Variants in MUC5AC observed in about 807,000 individuals in gnomAD.
MUC5AC encodes the protein mucin-5AC.
A neutral mutation model predicts 169.7 loss-of-function variants in MUC5AC; 158 were observed. That is an observed-to-expected ratio of 0.93 (90% confidence interval 0.82 to 1.06). MUC5AC has a LOEUF of 1.06. Among genes scored for constraint, MUC5AC ranks in the 50% least tolerant of loss-of-function variants. The pLI is 0.00. For synonymous variants in MUC5AC, 1,975 were observed against 1,237.0 expected (o/e 1.60, Z -12.52); for missense variants, 4,359 against 3,089.9 (o/e 1.41, Z -9.74).
intron 17 of MUC5AC, 79 bp downstream of exon 17, chr11:1,174,701 G>T (rs1860630748): frequency 1.6e-6 from 1 of 606,358 alleles, no homozygotes; most frequent in Non-Finnish European, 2.8e-6. Flanking sequence ...TGCACAGGTT[G>T]CTCTAAGGGC....
chr11:1,167,841 G>A (rs1430572431), intron 11 of MUC5AC, 36 bp from the exon 12 acceptor site: 3 of 1,524,384 alleles, frequency 2.0e-6, no homozygotes, highest in East Asian at 4.9e-5. Flanking sequence ...GGCGTTGGAT[G>A]GAGTGTGAGG....
chr11:1,196,236 T>C (rs1286434682), intron 37 of MUC5AC, among the ~76,000 whole-genome samples, 152 bp from the exon 38 acceptor site: 3 of 152,108 alleles, frequency 2.0e-5, no homozygotes, highest in Non-Finnish European at 4.4e-5. Context: ...TGGGAGCCCG[T>C]GGCGGGGCAC....
Position 1,184,304 on chromosome 11 carries a change from C to A in MUC5AC, c.6159C>A (p.Ile2053=), listed in dbSNP as rs1471066762. Reference sequence around the variant, plus strand: ...AGACGGTGAACGTGTGCAGAGACATCACCAGACCGCCAAAGACCGTCGCAA... The same window carrying A: ...AGACGGTGAACGTGTGCAGAGACATAACCAGACCGCCAAAGACCGTCGCAA... The part of the protein sequence containing the change: ...CCETVNVCRD[I]TRPPKTVATT... Residue 2053 remains isoleucine (I), a synonymous_variant, in exon 31 of 49, where the codon ATC becomes ATA. Coordinates refer to ENST00000621226, the MANE Select transcript of MUC5AC (RefSeq NM_001304359.2). 2.1e-6 allele frequency: 1 copy of A among 473,422 alleles called. No homozygotes were observed. The highest frequency in any genetic ancestry group is 3.7e-5 in the Admixed American group (1 of 26,726). 29.3% of individuals were successfully genotyped at this position (473,422 alleles called of 1,614,324 possible).
At position 1,193,677 on chromosome 11, in the gene MUC5AC, C is replaced by T. The variant is rs371271008; in HGVS notation, c.14755+18C>T. Reference sequence around the variant, plus strand: ...GTGCCAGTGTGAGTGGAGCGCCGAGCGGGACCCAGGGCAGCCGGGGCAGCC... The same window carrying T: ...GTGCCAGTGTGAGTGGAGCGCCGAGTGGGACCCAGGGCAGCCGGGGCAGCC... On this transcript the variant is annotated intron_variant, in intron 33 of 48. Transcript: ENST00000621226. The T allele has an allele frequency of 2.1e-5, 16 of 761,814 alleles. No homozygotes were observed. The highest frequency in any genetic ancestry group is 8.5e-5 in the African/African-American group (5 of 59,102). 47.2% of individuals were successfully genotyped at this position (761,814 alleles called of 1,614,324 possible). A position where few individuals can be genotyped will look rare whatever the true frequency, so the allele number is the denominator to read the frequency against.
At chr11:1,180,214 C>A (rs1053493088) in intron 27 of MUC5AC, 64 bp downstream of exon 27, 1 of 398,290 alleles carries the variant, frequency 2.5e-6, no homozygotes, top group African/African-American at 2.1e-5. Context: ...CCTGGCCCCT[C>A]GAGGAGCCTC....
rs996792821 is a variant in MUC5AC, at chr11:1,195,109, A to C, written c.15288A>C (p.Ile5096=). The C allele has an allele frequency of 1, 758,808 of 758,810 alleles. 379,403 individuals carry two copies. Among genetic ancestry groups the C allele is most frequent in the Middle Eastern group, 1 (4,426 of 4,426 alleles). 47.0% of individuals were successfully genotyped at this position (758,810 alleles called of 1,614,324 possible). Reference sequence around the variant, plus strand: ...TGTCCGGCCTCTGGAACGTGAGCATACCCGACCAGCCAGCCTGCCACCGGC... The same window carrying C: ...TGTCCGGCCTCTGGAACGTGAGCATCCCCGACCAGCCAGCCTGCCACCGGC... ...SEMSGLWNVS[I]PDQPACHRPH... The change falls in exon 36 of 49, where the codon ATA becomes ATC. Residue 5096 remains isoleucine (I), a synonymous_variant. Coordinates refer to ENST00000621226, the MANE Select transcript of MUC5AC (RefSeq NM_001304359.2).
rs1199391911 is a variant in MUC5AC, at chr11:1,184,266, A to G, written c.6121A>G (p.Ile2041Val). The G allele has an allele frequency of 4.7e-6, 2 of 422,130 alleles. No homozygotes were observed. Among genetic ancestry groups the G allele is most frequent in the South Asian group, 9.4e-5 (1 of 10,646 alleles). The allele number at this position is 422,130 out of a possible 1,614,324, so 26.1% of individuals were successfully genotyped here. The stretch of plus-strand genomic sequence containing the variant: ...CATCTGCTACAACTATGAGATCCGC[A>G]TCCAGTGTTGCGAGACGGTGAACGT... Reference protein sequence around the residue: ...PPICYNYEIRIQCCETVNVCR... With the variant: ...PPICYNYEIRVQCCETVNVCR... Residue 2041 changes from isoleucine (I) to valine (V), a missense_variant, in exon 31 of 49, where the codon ATC becomes GTC. Physicochemically the swap from Ile to Val is conservative, Grantham distance 29. Transcript: ENST00000621226.
At chr11:1,170,561 TCACC>T (rs1860479677) in intron 15 of MUC5AC, among the ~76,000 whole-genome samples, 1 of 122,292 alleles carries the variant, frequency 8.2e-6, no homozygotes, top group African/African-American at 3.3e-5. Flanking sequence ...ACTCACCCAC[TCACC>T]CACTCACCCA....
Position 1,191,971 on chromosome 11 carries a change from C to G in MUC5AC, c.13826C>G (p.Thr4609Arg), listed in dbSNP as rs1167558319. The G allele has an allele frequency of 7.8e-6, 6 of 765,154 alleles. No homozygotes were observed. The African/African-American group carries it at 1.0e-4, about 13-fold the overall frequency. The allele number at this position is 765,154 out of a possible 1,614,324, so 47.4% of individuals were successfully genotyped here. The change falls in exon 31 of 49, where the codon ACA (threonine) becomes AGA (arginine). Residue 4609 changes from threonine to arginine, a missense_variant. Transcript: ENST00000621226. ...TSTTPVSKTS[T>R]SHLSVSKTTH... The stretch of plus-strand genomic sequence containing the variant: ...ACAACCCCTGTTTCAAAGACCAGCA[C>G]AAGCCATCTTTCTGTATCCAAGACA...
At position 1,187,761 on chromosome 11, in the gene MUC5AC, C is replaced by T. The variant is rs2133761272; in HGVS notation, c.9616C>T (p.His3206Tyr). The T allele has an allele frequency of 1.3e-6, 1 of 765,124 alleles. No individual in the cohort carries two copies. The highest frequency in any genetic ancestry group is 2.4e-5 in the East Asian group (1 of 41,236). 47.4% of individuals were successfully genotyped at this position (765,124 alleles called of 1,614,324 possible). A position where few individuals can be genotyped will look rare whatever the true frequency, so the allele number is the denominator to read the frequency against. ...CTCTGTTTCAAAGACCAGCACAAGC[C>T]ATGTTTCCATATCCAAGACAACCCA... is the stretch of plus-strand genomic sequence containing the variant. ...TASVSKTSTS[H>Y]VSISKTTHSQ... The change falls in exon 31 of 49, where the codon CAT (histidine) becomes TAT (tyrosine). Residue 3206 changes from histidine (H) to tyrosine (Y), a missense_variant. Coordinates refer to ENST00000621226, the MANE Select transcript of MUC5AC (RefSeq NM_001304359.2).
In MUC5AC at chr11:1,177,233, C is replaced by T. The variant is rs914509562; in HGVS notation, c.2796C>T (p.Asn932=). 38 of 410,280 alleles carry T rather than the reference C, an allele frequency of 9.3e-5. No individual in the cohort carries two copies. Among genetic ancestry groups the T allele is most frequent in the South Asian group, 3.5e-4 (3 of 8,540 alleles). 25.4% of individuals were successfully genotyped at this position (410,280 alleles called of 1,614,324 possible). A position where few individuals can be genotyped will look rare whatever the true frequency, so the allele number is the denominator to read the frequency against. ...CTTGATGGCCTCTGCTTCCCCAGAA[C>T]CACTGTGGCGGGAAAGACAGCACCC... ...NGDCEYTLVQ[N]HCGGKDSTQD... Residue 932 remains asparagine, a splice_region_variant and synonymous_variant, in exon 23 of 49, where the codon AAC becomes AAT. Transcript: ENST00000621226.
rs118195545 is a variant in MUC5AC, at chr11:1,177,077, G to A, written c.2793+11G>A. The A allele has an allele frequency of 9.0e-3, 3,587 of 398,622 alleles. 23 individuals carry two copies. The highest frequency in any genetic ancestry group is 0.012 in the Non-Finnish European group (2,730 of 226,068). The allele number at this position is 398,622 out of a possible 1,614,324, so 24.7% of individuals were successfully genotyped here. ...TACACGCTGGTGCAGGTGAGCCGGC[G>A]CGTTTGGGGTCCTCACGGCGGCCCC... On this transcript the variant is annotated intron_variant, in intron 22 of 48. Coordinates refer to ENST00000621226, the MANE Select transcript of MUC5AC (RefSeq NM_001304359.2).
chr11:1,189,501 G>C lies in MUC5AC; in HGVS notation c.11356G>C (p.Ala3786Pro), dbSNP rs1188833230. The C allele has an allele frequency of 1.0e-5, 6 of 578,608 alleles. No homozygotes were observed. Among genetic ancestry groups the C allele is most frequent in the Middle Eastern group, 2.6e-4 (1 of 3,818 alleles). 35.8% of individuals were successfully genotyped at this position (578,608 alleles called of 1,614,324 possible). A position where few individuals can be genotyped will look rare whatever the true frequency, so the allele number is the denominator to read the frequency against. Residue 3786 changes from alanine (A) to proline (P), a missense_variant, in exon 31 of 49, where the codon GCT becomes CCT. Physicochemically the swap from Ala to Pro is conservative, Grantham distance 27 (BLOSUM62 -1). Coordinates refer to ENST00000621226, the MANE Select transcript of MUC5AC (RefSeq NM_001304359.2). ...TGCCCCTACAACTAGCACTACCTCT[G>C]CTCCCATAACCAGCACAATCTCTGC... Reference protein sequence around the residue: ...TSAPTTSTTSAPITSTISAPT... With the variant: ...TSAPTTSTTSPPITSTISAPT...
intron 9 of MUC5AC, 28 bp downstream of exon 9, chr11:1,164,560 C>G (rs760421327): frequency 6.3e-7 from 1 of 1,586,054 alleles, no homozygotes; most frequent in South Asian, 1.2e-5. Context: ...CTGGGAAACA[C>G]AGGTGCACCC....
Position 1,200,604 on chromosome 11 carries a change from G to C in MUC5AC, c.16867G>C (p.Gly5623Arg), listed in dbSNP as rs771916874. ...CATGGGCCGGCGGTGCCCTGCGCCGGGCGACACCCAGCACTCGGAGGAGGC... is the reference window on the plus strand; with the variant it reads ...CATGGGCCGGCGGTGCCCTGCGCCGCGCGACACCCAGCACTCGGAGGAGGC... ...GCMGRRCPAP[G>R]DTQHSEEAEP... The change falls in exon 49 of 49, where the codon GGC becomes CGC. Residue 5623 changes from glycine to arginine, a missense_variant. Gly to Arg is a moderately radical substitution (Grantham distance 125). Transcript: ENST00000621226. The C allele has an allele frequency of 5.1e-5, 39 of 764,518 alleles. No individual in the cohort carries two copies. Among genetic ancestry groups the C allele is most frequent in the Middle Eastern group, 2.3e-4 (1 of 4,434 alleles). 47.4% of individuals were successfully genotyped at this position (764,518 alleles called of 1,614,324 possible).
chr11:1,177,351 G>A lies in MUC5AC; in HGVS notation c.2907+7G>A, dbSNP rs971104038. 3.4e-5 allele frequency: 15 copies of A among 440,930 alleles called. No homozygotes were observed. The highest frequency in any genetic ancestry group is 2.7e-4 in the South Asian group (3 of 11,164). 27.3% of individuals were successfully genotyped at this position (440,930 alleles called of 1,614,324 possible). ...CATCAAGATTTTCCTGGGGGTGAGC[G>A]AGGCTGGGTGGTCGCATGCCCTCCA... On this transcript the variant is annotated splice_region_variant and intron_variant, in intron 23 of 48. Transcript: ENST00000621226.
At position 1,182,278 on chromosome 11, in the gene MUC5AC, C is replaced by T. The variant is rs1359685698; in HGVS notation, c.4133C>T (p.Ser1378Leu). 1.0e-5 allele frequency: 4 copies of T among 398,582 alleles called. No homozygotes were observed. The highest frequency in any genetic ancestry group is 7.1e-5 in the East Asian group (2 of 28,068). 24.7% of individuals were successfully genotyped at this position (398,582 alleles called of 1,614,324 possible). A position where few individuals can be genotyped will look rare whatever the true frequency, so the allele number is the denominator to read the frequency against. ...PRTRLPTASA[S>L]LPPVCGEKCL... ...ACGAGGCTGCCCACAGCCTCTGCCT[C>T]ACTGCCGCCGGTCTGTGGGGAAAAG... Residue 1378 changes from serine (S) to leucine (L), a missense_variant, in exon 31 of 49, where the codon TCA (serine) becomes TTA (leucine). Coordinates refer to ENST00000621226, the MANE Select transcript of MUC5AC (RefSeq NM_001304359.2).
intron 3 of MUC5AC, 99 bp from the exon 4 acceptor site, chr11:1,161,808 C>G (rs1401273673): frequency 6.7e-7 from 1 of 1,486,130 alleles, no homozygotes; most frequent in East Asian, 2.4e-5. Flanking sequence ...GCACTTCCTG[C>G]AGGACCCTGG....
At chr11:1,172,247 G>A in intron 15 of MUC5AC, among the ~76,000 whole-genome samples, 182 bp from the exon 16 acceptor site, 1 of 152,338 alleles carries the variant, frequency 6.6e-6, no homozygotes, top group East Asian at 1.9e-4. Flanking sequence ...CCCTGCGTTT[G>A]GGGGAGCTTT....
Sources: gnomAD v4.1 joint callset for allele counts (sites outside exome capture counted in the v4.1 genomes callset) on GRCh38, gnomAD v4.1.1 for gene constraint, MANE v1.5 for transcripts, NCBI Gene and HGNC (gene_info 2026-07-23, HGNC 2026-07-21) for gene names.